The following ARIH1 variants were observed in gnomAD, a reference collection of about 807,000 sequenced individuals.
The protein encoded by ARIH1 is ariadne RBR E3 ubiquitin protein ligase 1.
ARIH1 carries 8 observed loss-of-function variants against 85.0 expected under a neutral mutation model. That is an observed-to-expected ratio of 0.09 (90% confidence interval 0.06 to 0.17). ARIH1 has a LOEUF of 0.17. ARIH1 is among the 10% of genes least tolerant of loss of function. ARIH1 has a pLI of 1.00. For missense variants in ARIH1, 311 were observed against 718.1 expected, an observed-to-expected ratio of 0.43 and a Z score of 6.48; for synonymous variants, 238 against 253.6, an observed-to-expected ratio of 0.94 and a Z score of 0.59.
At chr15:72,541,059 G>A (rs1220354719) in intron 2 of ARIH1, among the ~76,000 whole-genome samples, 1 of 152,202 alleles carries the variant, frequency 6.6e-6, no homozygotes, top group Non-Finnish European at 1.5e-5. Context: ...TATGGAGGCT[G>A]CGAAGGCCTG....
chr15:72,564,911 G>A (rs2064212748), intron 7 of ARIH1, among the ~76,000 whole-genome samples: 1 of 151,958 alleles, frequency 6.6e-6, no homozygotes, highest in East Asian at 1.9e-4. Flanking sequence ...TCCTAATACT[G>A]TCACATTGGT....
intron 1 of ARIH1, among the ~76,000 whole-genome samples, chr15:72,511,880 T>TA (rs1173106173): frequency 6.6e-6 from 1 of 152,158 alleles, no homozygotes; most frequent in Non-Finnish European, 1.5e-5. Flanking sequence ...GAGAGATTTT[T>TA]ATAGTAGTGG....
intron 1 of ARIH1, among the ~76,000 whole-genome samples, chr15:72,488,070 CTG>C (rs1256903711): frequency 6.6e-6 from 1 of 152,020 alleles, no homozygotes; most frequent in Non-Finnish European, 1.5e-5. Context: ...GGTTTTTGCT[CTG>C]TTGCTCAGGC....
intron 5 of ARIH1, among the ~76,000 whole-genome samples, chr15:72,558,054 C>G (rs1378484398): frequency 6.6e-6 from 1 of 152,128 alleles, no homozygotes; most frequent in Non-Finnish European, 1.5e-5. Flanking sequence ...CCTGATTGCT[C>G]TGGCCAGGAC....
At position 72,589,360 on chromosome 15, in the gene ARIH1, A is replaced by G. The variant is rs993653137; in HGVS notation, c.*6068A>G. Reference sequence around the variant, plus strand: ...AAAACAAAACCTAGTTACAATAATAAGCACACCAGTGCTAACTTGGGCAAA... The same window carrying G: ...AAAACAAAACCTAGTTACAATAATAGGCACACCAGTGCTAACTTGGGCAAA... On this transcript the variant is annotated 3_prime_UTR_variant, in exon 14 of 14. Transcript: ENST00000379887. 6.6e-6 allele frequency: 1 copy of G among 152,234 alleles called. No homozygotes were observed. The highest frequency in any genetic ancestry group is 2.4e-5 in the African/African-American group (1 of 41,458). The allele number at this position is 152,234 out of a possible 1,614,324, so 9.4% of individuals were successfully genotyped here. A position where few individuals can be genotyped will look rare whatever the true frequency, so the allele number is the denominator to read the frequency against.
chr15:72,521,266 G>T (rs976950008), intron 2 of ARIH1, among the ~76,000 whole-genome samples: 1 of 120,898 alleles, frequency 8.3e-6, no homozygotes, highest in East Asian at 2.4e-4. Flanking sequence ...TAAATACACT[G>T]TTTTTCTTAG....
At chr15:72,511,904 T>C (rs1047353840) in intron 1 of ARIH1, among the ~76,000 whole-genome samples, 4 of 152,090 alleles carry the variant, frequency 2.6e-5, no homozygotes, top group Non-Finnish European at 5.9e-5. Context: ...TTGAATTTTG[T>C]CAAATGCTTT....
intron 1 of ARIH1, among the ~76,000 whole-genome samples, chr15:72,482,245 A>G (rs370440019): frequency 4.6e-5 from 7 of 152,136 alleles, no homozygotes; most frequent in Non-Finnish European, 1.5e-5. Context: ...TGAGTTTTCT[A>G]ATTTATTAGT....
At chr15:72,513,014 C>G (rs2063957068) in intron 1 of ARIH1, among the ~76,000 whole-genome samples, 1 of 151,898 alleles carries the variant, frequency 6.6e-6, no homozygotes, top group Non-Finnish European at 1.5e-5. Context: ...TATCTTTTCC[C>G]ATCTTTTTAC....
intron 5 of ARIH1, among the ~76,000 whole-genome samples, chr15:72,560,077 T>G (rs1243719581): frequency 6.6e-6 from 1 of 152,196 alleles, no homozygotes; most frequent in Non-Finnish European, 1.5e-5. Context: ...CACAAATTAT[T>G]TTTAGACCGC....
chr15:72,495,469 T>C (rs2063876252), intron 1 of ARIH1, among the ~76,000 whole-genome samples: 1 of 152,224 alleles, frequency 6.6e-6, no homozygotes, highest in African/African-American at 2.4e-5. Flanking sequence ...GGATTGCATT[T>C]GGTTATCATG....
chr15:72,500,512 T>G (rs1261050865), intron 1 of ARIH1, among the ~76,000 whole-genome samples: 1 of 152,232 alleles, frequency 6.6e-6, no homozygotes, highest in African/African-American at 2.4e-5. Context: ...CTTGTGTCCT[T>G]ATAAAGCTTT....
At chr15:72,477,957 A>G (rs2063801159) in intron 1 of ARIH1, among the ~76,000 whole-genome samples, 3 of 151,686 alleles carry the variant, frequency 2.0e-5, no homozygotes, top group Admixed American at 6.6e-5. Flanking sequence ...CTGGGATTAC[A>G]GGCACCTGCC....
chr15:72,579,015 C>T (rs556226169), intron 11 of ARIH1, among the ~76,000 whole-genome samples: 2 of 151,832 alleles, frequency 1.3e-5, no homozygotes, highest in Admixed American at 1.3e-4. Flanking sequence ...AACTCCTGAG[C>T]TCAGGCAATC....
At position 72,586,362 on chromosome 15, in the gene ARIH1, G is replaced by A. The variant is rs1393061032; in HGVS notation, c.*3070G>A. ...AACCCCGGTAATAGAGCACTTGGGG[G>A]ATGGGATGGGGTGGGTTGGTGAGAC... is the stretch of plus-strand genomic sequence containing the variant. On this transcript the variant is annotated 3_prime_UTR_variant, in exon 14 of 14. Coordinates refer to ENST00000379887, the MANE Select transcript of ARIH1 (RefSeq NM_005744.5). 1 of 152,080 alleles carries A rather than the reference G, an allele frequency of 6.6e-6. No individual in the cohort carries two copies. The highest frequency in any genetic ancestry group is 1.5e-5 in the Non-Finnish European group (1 of 68,012). The allele number at this position is 152,080 out of a possible 1,614,324, so 9.4% of individuals were successfully genotyped here. A position where few individuals can be genotyped will look rare whatever the true frequency, so the allele number is the denominator to read the frequency against.
chr15:72,543,150 G>GT (rs1255578678), intron 2 of ARIH1, among the ~76,000 whole-genome samples: 2 of 151,848 alleles, frequency 1.3e-5, no homozygotes, highest in East Asian at 3.9e-4. Context: ...GGCCAGGCTG[G>GT]TTTTGAACTA....
intron 2 of ARIH1, among the ~76,000 whole-genome samples, chr15:72,519,105 G>A (rs2063987538): frequency 6.6e-6 from 1 of 151,926 alleles, no homozygotes; most frequent in South Asian, 2.1e-4. Context: ...ACTTGTTAAT[G>A]GTGAGGTTGA....
chr15:72,578,722 GTA>G (rs2064282494), intron 11 of ARIH1, among the ~76,000 whole-genome samples: 1 of 151,376 alleles, frequency 6.6e-6, no homozygotes, highest in South Asian at 2.1e-4. Context: ...AGGGTCAACT[GTA>G]TATGTTTTAA....
intron 3 of ARIH1, among the ~76,000 whole-genome samples, chr15:72,549,082 C>G (rs2064141845): frequency 1.3e-5 from 2 of 149,608 alleles, no homozygotes; most frequent in East Asian, 1.9e-4. Context: ...CAGCGTCTCT[C>G]TCTCTCTTTT....
Sources: gnomAD v4.1 joint callset for allele counts (sites outside exome capture counted in the v4.1 genomes callset) on GRCh38, gnomAD v4.1.1 for gene constraint, MANE v1.5 for transcripts, NCBI Gene and HGNC (gene_info 2026-07-23, HGNC 2026-07-21) for gene names.